Variants in HS3ST3B1 observed in about 807,000 individuals in gnomAD.
The protein encoded by HS3ST3B1 is heparan sulfate-glucosamine 3-sulfotransferase 3B1.
HS3ST3B1 carries 13 observed loss-of-function variants against 21.3 expected under a neutral mutation model. That is an observed-to-expected ratio of 0.61 (90% confidence interval 0.40 to 0.97). The LOEUF is 0.97. Among genes scored for constraint, HS3ST3B1 ranks in the 50% least tolerant of loss-of-function variants. The pLI is 0.00. For synonymous variants in HS3ST3B1, 234 were observed against 254.8 expected (o/e 0.92, Z 0.78); for missense variants, 459 against 554.8 (o/e 0.83, Z 1.73).
chr17:14,336,616 A>G (rs752588134), intron 1 of HS3ST3B1, among the ~76,000 whole-genome samples: 1 of 152,182 alleles, frequency 6.6e-6, no homozygotes, highest in African/African-American at 2.4e-5. Flanking sequence ...AAGTCAGCTC[A>G]TCTTCTCAGC....
At chr17:14,317,282 G>T (rs1039922535) in intron 1 of HS3ST3B1, among the ~76,000 whole-genome samples, 1 of 152,182 alleles carries the variant, frequency 6.6e-6, no homozygotes, top group African/African-American at 2.4e-5. Flanking sequence ...CATCTAGATG[G>T]CACTACTAGT....
At chr17:14,330,550 G>GGCGTGTGTGTGTGT (rs1909977459) in intron 1 of HS3ST3B1, among the ~76,000 whole-genome samples, 1 of 144,080 alleles carries the variant, frequency 6.9e-6, no homozygotes, top group Non-Finnish European at 1.5e-5. Context: ...CTGGTTTCCC[G>GGCGTGTGTGTGTGT]GTGTGTGTGT....
chr17:14,338,110 C>T (rs1910244777), intron 1 of HS3ST3B1, among the ~76,000 whole-genome samples: 1 of 151,784 alleles, frequency 6.6e-6, no homozygotes, highest in African/African-American at 2.4e-5. Flanking sequence ...AGGGATGGAA[C>T]TGAGTGCCAC....
chr17:14,324,069 G>C (rs1001994740), intron 1 of HS3ST3B1, among the ~76,000 whole-genome samples: 1 of 151,808 alleles, frequency 6.6e-6, no homozygotes, highest in Non-Finnish European at 1.5e-5. Context: ...AGGCTGATTC[G>C]TCTGCCCAGA....
In HS3ST3B1 at chr17:14,303,383, C is replaced by A. The variant is rs1597584039; in HGVS notation, c.554+1311C>A. ...TGACCCCGCGGATTAAAACGGCTCC[C>A]TTCCCAGCCTCGTCCTACCCCTTCC... On this transcript the variant is annotated intron_variant, in intron 1 of 1. Coordinates refer to ENST00000360954, the MANE Select transcript of HS3ST3B1 (RefSeq NM_006041.3). The surrounding 1 kb of genome is among the most constrained non-coding windows in gnomAD (Gnocchi z 5.7). Among the ~76,000 whole-genome samples the A allele has an allele frequency of 2.0e-5, 3 of 152,214 alleles. No individual in the cohort carries two copies. The highest frequency in any genetic ancestry group is 4.4e-5 in the Non-Finnish European group (3 of 68,036).
intron 1 of HS3ST3B1, among the ~76,000 whole-genome samples, chr17:14,338,057 A>G (rs1275373785): frequency 1.3e-5 from 2 of 151,758 alleles, no homozygotes; most frequent in East Asian, 1.9e-4. Flanking sequence ...GGCCAGGCAT[A>G]TAACGCCAGT....
In HS3ST3B1 at chr17:14,319,998, G is replaced by C. The variant is rs536973245; in HGVS notation, c.554+17926G>C. 3.3e-5 allele frequency among the ~76,000 whole-genome samples: 5 copies of C among 152,192 alleles called. No homozygotes were observed. In the South Asian group the frequency reaches 8.3e-4, roughly 25 times the overall value. ...TTGCGCAGGAGGGCCTTTTTAAAAA[G>C]ATGAAAAGGTAGAAAGATGAGGACT... On this transcript the variant is annotated intron_variant, in intron 1 of 1. Transcript: ENST00000360954.
chr17:14,324,382 TTTTC>T (rs1296301399), intron 1 of HS3ST3B1, among the ~76,000 whole-genome samples: 4 of 152,112 alleles, frequency 2.6e-5, no homozygotes, highest in Non-Finnish European at 4.4e-5. Flanking sequence ...TGTCAGTGGC[TTTTC>T]TTTCTATCTT....
intron 1 of HS3ST3B1, among the ~76,000 whole-genome samples, chr17:14,321,635 T>C (rs1408299758): frequency 6.6e-6 from 1 of 152,124 alleles, no homozygotes; most frequent in African/African-American, 2.4e-5. Flanking sequence ...TGAGCAACCC[T>C]GGCCTGTAAT....
chr17:14,332,829 C>CTTTTTTTTTTTTT (rs71147859), intron 1 of HS3ST3B1, among the ~76,000 whole-genome samples: 1 of 91,040 alleles, frequency 1.1e-5, no homozygotes, highest in Non-Finnish European at 2.1e-5. Flanking sequence ...GACCTTTTAT[C>CTTTTTTTTTTTTT]TTTTTTTTTT....
At chr17:14,324,358 CT>C (rs1909744126) in intron 1 of HS3ST3B1, among the ~76,000 whole-genome samples, 2 of 152,190 alleles carry the variant, frequency 1.3e-5, no homozygotes, top group Non-Finnish European at 2.9e-5. Context: ...CCACTTCTTT[CT>C]CCACATCTAA....
intron 1 of HS3ST3B1, among the ~76,000 whole-genome samples, chr17:14,319,240 T>C (rs866958474): frequency 2.0e-5 from 3 of 152,342 alleles, no homozygotes; most frequent in African/African-American, 7.2e-5. Flanking sequence ...AGCTTGTCAA[T>C]TACATTCTGG....
At chr17:14,338,870 T>C (rs1158211162) in intron 1 of HS3ST3B1, among the ~76,000 whole-genome samples, 4 of 152,188 alleles carry the variant, frequency 2.6e-5, no homozygotes, top group African/African-American at 7.2e-5. Flanking sequence ...TGGAAGTTCA[T>C]TGTGCTTGTC....
chr17:14,310,525 A>G (rs1275333993), intron 1 of HS3ST3B1, among the ~76,000 whole-genome samples: 1 of 152,244 alleles, frequency 6.6e-6, no homozygotes, highest in Non-Finnish European at 1.5e-5. Context: ...GGAAGTGCAC[A>G]TAAGACGTTG....
rs1266634367 is a variant in HS3ST3B1 at position 14,345,627 on chromosome 17, A to G, written c.1154A>G (p.His385Arg). Residue 385 changes from histidine (H) to arginine (R), a missense_variant, in exon 2 of 2, where the codon CAC becomes CGC. By Grantham distance (29) the His-to-Arg change is conservative (BLOSUM62 0). Around this residue, in one of 3 missense-constraint regions of HS3ST3B1, gnomAD observed 127 missense variants for 209.9 expected, o/e 0.60. Coordinates refer to ENST00000360954, the MANE Select transcript of HS3ST3B1 (RefSeq NM_006041.3). Reference sequence around the variant, plus strand: ...CTCAAGTTCTACCAGATGACCGGGCACGACTTTGGCTGGGATTGAGCAGAC... The same window carrying G: ...CTCAAGTTCTACCAGATGACCGGGCGCGACTTTGGCTGGGATTGAGCAGAC... ...FNLKFYQMTGHDFGWD is the reference protein window; with the variant it reads ...FNLKFYQMTGRDFGWD 6.2e-7 allele frequency: 1 copy of G among 1,613,542 alleles called. No individual in the cohort carries two copies. The highest frequency in any genetic ancestry group is 1.3e-5 in the African/African-American group (1 of 74,948).
chr17:14,341,928 A>G (rs1456188239), intron 1 of HS3ST3B1, among the ~76,000 whole-genome samples: 1 of 152,212 alleles, frequency 6.6e-6, no homozygotes, highest in Non-Finnish European at 1.5e-5. Flanking sequence ...GCCTGATGAC[A>G]CTGCTACATT....
At position 14,301,571 on chromosome 17, in the gene HS3ST3B1, T is replaced by C. The variant is rs200257944; in HGVS notation, c.53T>C (p.Leu18Pro). 8 of 1,595,534 alleles carry C rather than the reference T, an allele frequency of 5.0e-6. No individual in the cohort carries two copies. The African/African-American group carries it at 1.1e-4, about 22-fold the overall frequency. Residue 18 changes from leucine to proline, a missense_variant, in exon 1 of 2, where the codon CTC becomes CCC. This residue lies in a region of HS3ST3B1 where 317 missense variants were observed against 278.6 expected (regional missense o/e 1.14). Coordinates refer to ENST00000360954, the MANE Select transcript of HS3ST3B1 (RefSeq NM_006041.3). ...GRSCLDVPGR[L>P]LPQPPPPPPP... is the part of the protein sequence containing the mutation. ...TCTTGCCTCGATGTCCCCGGCCGGC[T>C]CCTACCGCAGCCGCCGCCGCCCCCG... is the stretch of plus-strand genomic sequence containing the variant.
At chr17:14,320,703 C>T (rs1434699735) in intron 1 of HS3ST3B1, among the ~76,000 whole-genome samples, 4 of 152,128 alleles carry the variant, frequency 2.6e-5, no homozygotes, top group African/African-American at 2.4e-5. Context: ...TTCCAGGTTC[C>T]ACGTCTTCGA....
At chr17:14,321,135 G>T (rs1909646076) in intron 1 of HS3ST3B1, among the ~76,000 whole-genome samples, 1 of 152,196 alleles carries the variant, frequency 6.6e-6, no homozygotes, top group African/African-American at 2.4e-5. Context: ...GCAAGCATTT[G>T]GTGGTGGACT....
Sources: allele counts gnomAD v4.1 joint callset (sites outside exome capture counted in the v4.1 genomes callset), GRCh38; gene constraint gnomAD v4.1.1; regional missense constraint gnomAD v4.1.1; non-coding constraint Gnocchi (gnomAD v3.1); transcripts MANE v1.5; gene names NCBI Gene and HGNC (gene_info 2026-07-23, HGNC 2026-07-21).